Variants in SPRY4 observed in about 807,000 individuals in gnomAD.
SPRY4 encodes the protein protein sprouty homolog 4.
A neutral mutation model predicts 17.0 loss-of-function variants in SPRY4; 7 were observed. The observed-to-expected ratio is 0.41, with a 90% confidence interval of 0.23 to 0.77. SPRY4 has a LOEUF of 0.77. Ranked by LOEUF, SPRY4 falls within the 30% of genes least tolerant of loss-of-function variation. The pLI is 0.32. For synonymous variants in SPRY4, 183 were observed against 174.1 expected (o/e 1.05, Z -0.40); for missense variants, 435 against 419.9 (o/e 1.04, Z -0.31).
intron 1 of SPRY4, among the ~76,000 whole-genome samples, chr5:142,315,969 G>C (rs560444455): frequency 1.3e-5 from 2 of 152,294 alleles, no homozygotes; most frequent in South Asian, 2.1e-4. Context: ...ATATTCACAA[G>C]AGAAGGGCTG....
intron 1 of SPRY4, among the ~76,000 whole-genome samples, chr5:142,321,174 C>A (rs915727487): frequency 6.6e-6 from 1 of 152,186 alleles, no homozygotes; most frequent in African/African-American, 2.4e-5. Context: ...CGCAACACCC[C>A]ACACCTCCTG....
rs1039982707 is a variant in SPRY4, at chr5:142,314,113, T to C, written c.*96A>G. 5.2e-6 allele frequency: 7 copies of C among 1,357,256 alleles called. No homozygotes were observed. The highest frequency in any genetic ancestry group is 5.9e-6 in the Non-Finnish European group (6 of 1,009,896). The allele number at this position is 1,357,256 out of a possible 1,614,324, so 84.1% of individuals were successfully genotyped here. ...AGTGGGCAGACTAGCAAGGTCAGCC[T>C]CAGGAGGCTAAAACCTCTGACCTTG... is the stretch of plus-strand genomic sequence containing the variant. On this transcript the variant is annotated 3_prime_UTR_variant, in exon 2 of 2. Transcript: ENST00000434127. The surrounding 1 kb of genome is among the most constrained non-coding windows in gnomAD (Gnocchi z 4.8).
rs781714403 is a variant in SPRY4 at position 142,314,362 on chromosome 5, G to A, written c.747C>T (p.Leu249=). ...CGCAGCCGGTGGCAGGCAGGTAGCA[G>A]AGCAGGCAGGGCAGCACCACGGAGA... ...GALSVVLPCL[L]CYLPATGCVK... is the part of the protein sequence containing the mutation. Residue 249 remains leucine (L), a synonymous_variant, in exon 2 of 2, where the codon CTC becomes CTT. Coordinates refer to ENST00000434127, the MANE Select transcript of SPRY4 (RefSeq NM_001127496.3). This position sits in a 1 kb window ranked among gnomAD's most constrained non-coding sequence, Gnocchi z 4.8. 1 of 1,614,074 alleles carries A rather than the reference G, an allele frequency of 6.2e-7. No homozygotes were observed. Among genetic ancestry groups the A allele is most frequent in the Non-Finnish European group, 8.5e-7 (1 of 1,179,990 alleles).
At chr5:142,320,321 T>C (rs1221736020) in intron 1 of SPRY4, among the ~76,000 whole-genome samples, 1 of 152,092 alleles carries the variant, frequency 6.6e-6, no homozygotes, top group Admixed American at 6.6e-5. Flanking sequence ...TGAATCTTTC[T>C]TCCTTCCCCC....
At position 142,324,860 on chromosome 5, in the gene SPRY4, G is replaced by A. The variant is rs867348446; in HGVS notation, c.-64C>T. The A allele has an allele frequency of 6.5e-6, 1 of 152,786 alleles. No homozygotes were observed. Among genetic ancestry groups the A allele is most frequent in the African/African-American group, 2.4e-5 (1 of 41,472 alleles). The allele number at this position is 152,786 out of a possible 1,614,324, so 9.5% of individuals were successfully genotyped here. A position where few individuals can be genotyped will look rare whatever the true frequency, so the allele number is the denominator to read the frequency against. On this transcript the variant is annotated 5_prime_UTR_variant, in exon 1 of 2. Coordinates refer to ENST00000434127, the MANE Select transcript of SPRY4 (RefSeq NM_001127496.3). ...TGGACTTACTTTGAGGAGCTGCAGGGTCACAAGCATCGCCCCACGTCTGTG... is the reference window on the plus strand; with the variant it reads ...TGGACTTACTTTGAGGAGCTGCAGGATCACAAGCATCGCCCCACGTCTGTG...
intron 1 of SPRY4, among the ~76,000 whole-genome samples, chr5:142,322,486 ATAT>A (rs1561654564): frequency 2.5e-4 from 33 of 132,854 alleles, no homozygotes; most frequent in Middle Eastern, 3.7e-3. Context: ...AAAAAAAAAT[ATAT>A]ATATATATAT....
At chr5:142,324,502 G>C (rs1759465578) in intron 1 of SPRY4, 1 of 152,340 alleles carries the variant, frequency 6.6e-6, no homozygotes, top group Non-Finnish European at 1.5e-5. Context: ...CAGCGTTCGA[G>C]GCGGATGGTG....
At chr5:142,317,825 A>G (rs1029191037) in intron 1 of SPRY4, 1 of 985,280 alleles carries the variant, frequency 1.0e-6, no homozygotes, top group African/African-American at 1.7e-5. Context: ...ACAGGCTCCC[A>G]TAACCCTCCA....
intron 1 of SPRY4, chr5:142,318,063 C>G (rs1759217523): frequency 3.0e-6 from 3 of 985,246 alleles, no homozygotes; most frequent in Non-Finnish European, 3.6e-6. Flanking sequence ...CCCTCACCAG[C>G]AGGGACCCTC....
In SPRY4 at chr5:142,313,754, C is replaced by G. The variant is rs1759014351; in HGVS notation, c.*455G>C. The G allele has an allele frequency of 5.7e-6, 1 of 175,650 alleles. No homozygotes were observed. The highest frequency in any genetic ancestry group is 1.3e-4 in the South Asian group (1 of 7,854). The allele number at this position is 175,650 out of a possible 1,614,324, so 10.9% of individuals were successfully genotyped here. The stretch of plus-strand genomic sequence containing the variant: ...TCCAAGGGTCTTCTTTAAAGGTACC[C>G]TGGTACTCAGTTAACAATTCCTCCC... On this transcript the variant is annotated 3_prime_UTR_variant, in exon 2 of 2. Coordinates refer to ENST00000434127, the MANE Select transcript of SPRY4 (RefSeq NM_001127496.3).
intron 1 of SPRY4, among the ~76,000 whole-genome samples, chr5:142,322,484 ATATAT>A (rs781197092): frequency 0.017 from 1,708 of 103,180 alleles, 20 homozygotes; most frequent in Non-Finnish European, 0.028. Context: ...AAAAAAAAAA[ATATAT>A]ATATATATAT....
chr5:142,318,210 C>T (rs956990011), intron 1 of SPRY4: 34 of 981,830 alleles, frequency 3.5e-5, no homozygotes, highest in Admixed American at 1.8e-4. Flanking sequence ...GAAGGCCTGG[C>T]GCAGTGGCTC....
In SPRY4 at chr5:142,311,425, G is replaced by C. The variant is rs1352084544; in HGVS notation, c.*2784C>G. On this transcript the variant is annotated 3_prime_UTR_variant, in exon 2 of 2. Transcript: ENST00000434127. ...AGCCGAGGCATCGTCCAGCCAAACA[G>C]GCCATTGGTGACAGGAAACACACTC... 6.6e-6 allele frequency: 1 copy of C among 152,274 alleles called. No homozygotes were observed. Among genetic ancestry groups the C allele is most frequent in the African/African-American group, 2.4e-5 (1 of 41,432 alleles). The allele number at this position is 152,274 out of a possible 1,614,324, so 9.4% of individuals were successfully genotyped here.
rs977945017 is a variant in SPRY4, at chr5:142,313,392, G to A, written c.*817C>T. 3.3e-5 allele frequency: 5 copies of A among 152,566 alleles called. No homozygotes were observed. The highest frequency in any genetic ancestry group is 6.5e-5 in the Admixed American group (1 of 15,280). The allele number at this position is 152,566 out of a possible 1,614,324, so 9.5% of individuals were successfully genotyped here. A position where few individuals can be genotyped will look rare whatever the true frequency, so the allele number is the denominator to read the frequency against. ...TTCCTCTACCCATATAAAGTTTCTGGAAGGGATCTGAGTAGAGAGAACCCA... is the reference window on the plus strand; with the variant it reads ...TTCCTCTACCCATATAAAGTTTCTGAAAGGGATCTGAGTAGAGAGAACCCA... On this transcript the variant is annotated 3_prime_UTR_variant, in exon 2 of 2. Transcript: ENST00000434127.
chr5:142,313,974 T>C lies in SPRY4; in HGVS notation c.*235A>G. 1 of 556,946 alleles carries C rather than the reference T, an allele frequency of 1.8e-6. No homozygotes were observed. Among genetic ancestry groups the C allele is most frequent in the South Asian group, 2.6e-5 (1 of 38,170 alleles). The allele number at this position is 556,946 out of a possible 1,614,324, so 34.5% of individuals were successfully genotyped here. A position where few individuals can be genotyped will look rare whatever the true frequency, so the allele number is the denominator to read the frequency against. ...CCACACCCTGCCCCTGCATTGTCTG[T>C]TTGACACAAAGTTTCAGGACCCTGA... On this transcript the variant is annotated 3_prime_UTR_variant, in exon 2 of 2. Transcript: ENST00000434127.
intron 1 of SPRY4, among the ~76,000 whole-genome samples, chr5:142,323,673 C>A (rs1284404864): frequency 1.3e-5 from 2 of 152,220 alleles, no homozygotes; most frequent in East Asian, 3.9e-4. Flanking sequence ...CTGCCCACAA[C>A]CCCCTGCCCC....
rs767152468 is a variant in SPRY4 at position 142,314,231 on chromosome 5, C to T, written c.878G>A (p.Ser293Asn). ...CKAASGDAKTSRPDKPF is the reference protein window; with the variant it reads ...CKAASGDAKTNRPDKPF ...CTGTCAGAAAGGCTTGTCGGGCCTG[C>T]TGGTCTTGGCATCCCCGCTGGCTGC... Residue 293 changes from serine to asparagine, a missense_variant, in exon 2 of 2, where the codon AGC becomes AAC. Transcript: ENST00000434127. This position sits in a 1 kb window ranked among gnomAD's most constrained non-coding sequence, Gnocchi z 4.8. 15 of 1,610,048 alleles carry T rather than the reference C, an allele frequency of 9.3e-6. No individual in the cohort carries two copies. In the Admixed American group the frequency reaches 2.5e-4, roughly 27 times the overall value.
Position 142,314,517 on chromosome 5 carries a change from T to C in SPRY4, c.592A>G (p.Thr198Ala). The C allele has an allele frequency of 6.2e-7, 1 of 1,614,160 alleles. No homozygotes were observed. The highest frequency in any genetic ancestry group is 8.5e-7 in the Non-Finnish European group (1 of 1,180,020). ...ATGCCCTGCACCAAACACATGCACG[T>C]GCCATAGTTGACCAGAGTCTGGGCT... ...CSAQTLVNYGTCMCLVQGIFY... is the reference protein window; with the variant it reads ...CSAQTLVNYGACMCLVQGIFY... Residue 198 changes from threonine to alanine, a missense_variant, in exon 2 of 2, where the codon ACG becomes GCG. Transcript: ENST00000434127. This position sits in a 1 kb window ranked among gnomAD's most constrained non-coding sequence, Gnocchi z 4.8.
intron 1 of SPRY4, chr5:142,318,300 C>G (rs1373418204): frequency 2.5e-6 from 1 of 396,132 alleles, no homozygotes; most frequent in African/African-American, 2.2e-5. Context: ...GCCTGACCAA[C>G]AGGATGAAAC....
Sources: gnomAD v4.1 joint callset for allele counts (sites outside exome capture counted in the v4.1 genomes callset) on GRCh38, gnomAD v4.1.1 for gene constraint, Gnocchi (gnomAD v3.1) non-coding constraint, MANE v1.5 for transcripts, NCBI Gene and HGNC (gene_info 2026-07-23, HGNC 2026-07-21) for gene names.